GABRG3: variants seen among roughly 807,000 people sequenced by gnomAD.
The protein encoded by GABRG3 is gamma-aminobutyric acid receptor subunit gamma-3.
A neutral mutation model predicts 48.8 loss-of-function variants in GABRG3; 25 were observed. The observed-to-expected ratio is 0.51, with a 90% CI of 0.37 to 0.72. The LOEUF is 0.72. GABRG3 is among the 30% of genes least tolerant of loss of function. The probability of loss-of-function intolerance (pLI) is 0.00; values close to 1 mark genes in which losing one functional copy is unlikely to be tolerated. For synonymous variants in GABRG3, 227 were observed against 217.6 expected (o/e 1.04, Z -0.38); for missense variants, 394 against 577.9 (o/e 0.68, Z 3.26).
intron 9 of GABRG3, among the ~76,000 whole-genome samples, chr15:27,528,976 A>AT (rs1891350797): frequency 6.6e-6 from 1 of 151,992 alleles, no homozygotes; most frequent in African/African-American, 2.4e-5. Flanking sequence ...TATGTGTATT[A>AT]TTTTGTTTCA....
At chr15:27,446,988 T>C (rs1276021373) in intron 5 of GABRG3, among the ~76,000 whole-genome samples, 1 of 152,206 alleles carries the variant, frequency 6.6e-6, no homozygotes, top group Non-Finnish European at 1.5e-5. Context: ...CCCTCTCTGA[T>C]GCTCCTCCCA....
intron 7 of GABRG3, among the ~76,000 whole-genome samples, chr15:27,520,806 A>C (rs539123393): frequency 1.3e-5 from 2 of 151,360 alleles, no homozygotes; most frequent in South Asian, 4.2e-4. Flanking sequence ...CCTAAAAAAA[A>C]TCCTATAGAA....
At chr15:27,136,407 A>C (rs1397780631) in intron 3 of GABRG3, among the ~76,000 whole-genome samples, 1 of 152,180 alleles carries the variant, frequency 6.6e-6, no homozygotes, top group East Asian at 1.9e-4. Flanking sequence ...ATTATGTCTG[A>C]ACATAATTGA....
At chr15:27,315,789 GTGA>G (rs1893193054) in intron 3 of GABRG3, among the ~76,000 whole-genome samples, 2 of 152,264 alleles carry the variant, frequency 1.3e-5, no homozygotes, top group East Asian at 3.9e-4. Flanking sequence ...TTAGATTTAT[GTGA>G]TGATTTCCTA....
chr15:27,075,485 C>G (rs1330235814), intron 3 of GABRG3, among the ~76,000 whole-genome samples: 1 of 152,160 alleles, frequency 6.6e-6, no homozygotes, highest in African/African-American at 2.4e-5. Flanking sequence ...TATCCTCAAT[C>G]TAGTGCAAAA....
At chr15:27,329,260 A>G (rs1329308089) in intron 5 of GABRG3, among the ~76,000 whole-genome samples, 1 of 152,072 alleles carries the variant, frequency 6.6e-6, no homozygotes, top group Non-Finnish European at 1.5e-5. Context: ...TTTATTTTTA[A>G]TTTTTATTTA....
intron 5 of GABRG3, among the ~76,000 whole-genome samples, chr15:27,432,388 A>G (rs939161333): frequency 3.3e-5 from 5 of 152,186 alleles, no homozygotes; most frequent in African/African-American, 1.2e-4. Flanking sequence ...AAAGTGTTAC[A>G]AACAGAATAC....
intron 5 of GABRG3, among the ~76,000 whole-genome samples, chr15:27,450,158 C>T (rs577008499): frequency 1.9e-4 from 29 of 152,238 alleles, no homozygotes; most frequent in South Asian, 8.3e-4. Context: ...GGCCTGACAC[C>T]CTCCCCACAC....
chr15:26,971,969 C>A (rs1894854738), intron 1 of GABRG3, among the ~76,000 whole-genome samples: 1 of 152,136 alleles, frequency 6.6e-6, no homozygotes, highest in Non-Finnish European at 1.5e-5. Flanking sequence ...GGCTGACATT[C>A]TCTGTCATTT....
Position 27,008,478 on chromosome 15 carries a change from G to T in GABRG3, c.203-18276G>T, listed in dbSNP as rs561280971. On this transcript the variant is annotated intron_variant, in intron 2 of 9. Coordinates refer to ENST00000615808, the MANE Select transcript of GABRG3 (RefSeq NM_033223.5). ...ATATAGATGGGATAGGAATCTTTTG[G>T]CTGACAATCACTCAGAGATTCAGTC... 2.0e-5 allele frequency among the ~76,000 whole-genome samples: 3 copies of T among 152,250 alleles called. No individual in the cohort carries two copies. In the East Asian group the frequency reaches 5.8e-4, roughly 29 times the overall value.
At chr15:27,270,230 T>A (rs11263716) in intron 3 of GABRG3, among the ~76,000 whole-genome samples, 16,529 of 152,222 alleles carry the variant, frequency 0.11, 1,543 homozygotes, top group African/African-American at 0.25. Flanking sequence ...GCTTAGGATC[T>A]AGAAATGTCT....
intron 3 of GABRG3, among the ~76,000 whole-genome samples, chr15:27,103,221 C>T (rs1330813262): frequency 2.6e-5 from 4 of 152,180 alleles, no homozygotes; most frequent in Admixed American, 2.6e-4. Context: ...TCTTCTTTGA[C>T]GTATACATAT....
At chr15:27,124,991 C>A (rs192175128) in intron 3 of GABRG3, among the ~76,000 whole-genome samples, 2 of 152,198 alleles carry the variant, frequency 1.3e-5, no homozygotes, top group African/African-American at 4.8e-5. Flanking sequence ...TGCTTGCTTA[C>A]TGCTGTGTGG....
chr15:27,095,789 G>C (rs919509396), intron 3 of GABRG3, among the ~76,000 whole-genome samples: 1 of 152,064 alleles, frequency 6.6e-6, no homozygotes, highest in South Asian at 2.1e-4. Context: ...CGGGAAGCAC[G>C]TGCCTTCCTC....
intron 2 of GABRG3, among the ~76,000 whole-genome samples, chr15:27,007,599 A>G (rs564421840): frequency 3.3e-5 from 5 of 152,294 alleles, no homozygotes; most frequent in Admixed American, 2.0e-4. Context: ...GCTTCCTAAT[A>G]ATAGCCATTC....
intron 3 of GABRG3, among the ~76,000 whole-genome samples, chr15:27,268,944 C>T (rs1891000402): frequency 6.6e-6 from 1 of 152,180 alleles, no homozygotes. Context: ...ATTTTCATTT[C>T]TCAGGGATTA....
At chr15:27,339,121 G>T (rs141666472) in intron 5 of GABRG3, among the ~76,000 whole-genome samples, 135 of 152,278 alleles carry the variant, frequency 8.9e-4, no homozygotes, top group African/African-American at 3.2e-3. Flanking sequence ...CCTAGTTGGA[G>T]GAGTAAATCT....
At chr15:27,064,461 C>T (rs1339867822) in intron 3 of GABRG3, among the ~76,000 whole-genome samples, 1 of 152,162 alleles carries the variant, frequency 6.6e-6, no homozygotes. Flanking sequence ...CCCACTGGCT[C>T]CTCAGGAAAG....
chr15:27,015,038 G>A (rs979019334), intron 2 of GABRG3, among the ~76,000 whole-genome samples: 19 of 152,194 alleles, frequency 1.2e-4, no homozygotes, highest in South Asian at 2.1e-4. Flanking sequence ...TGTGTCTTGC[G>A]ACAGTTTTTG....
Sources: gnomAD v4.1 joint callset for allele counts (sites outside exome capture counted in the v4.1 genomes callset) on GRCh38, gnomAD v4.1.1 for gene constraint, MANE v1.5 for transcripts, NCBI Gene and HGNC (gene_info 2026-07-23, HGNC 2026-07-21) for gene names.